The following ANKS1B variants were observed in gnomAD, a reference collection of about 807,000 sequenced individuals.
ANKS1B encodes the protein ankyrin repeat and sterile alpha motif domain-containing protein 1B.
A neutral mutation model predicts 148.3 loss-of-function variants in ANKS1B; 36 were observed. The ratio of observed to expected loss-of-function variants is 0.24; its 90% CI spans 0.19 to 0.32. The LOEUF (loss-of-function observed/expected upper bound fraction) is 0.32, where lower values mean the gene tolerates loss of function less well. Among genes scored for constraint, ANKS1B ranks in the 10% least tolerant of loss-of-function variants. The probability of loss-of-function intolerance (pLI) is 1.00; values close to 1 mark genes in which losing one functional copy is unlikely to be tolerated. For synonymous variants in ANKS1B, 542 were observed against 560.8 expected (o/e 0.97, Z 0.47); for missense variants, 1,157 against 1,542.6 (o/e 0.75, Z 4.19).
chr12:99,147,973 C>G (rs1301734436), intron 15 of ANKS1B, among the ~76,000 whole-genome samples: 1 of 151,914 alleles, frequency 6.6e-6, no homozygotes, highest in Non-Finnish European at 1.5e-5. Flanking sequence ...TAAAAGAGAG[C>G]AATTTCAGCA....
At chr12:99,736,935 T>C (rs2059667413) in intron 8 of ANKS1B, among the ~76,000 whole-genome samples, 1 of 151,992 alleles carries the variant, frequency 6.6e-6, no homozygotes, top group Non-Finnish European at 1.5e-5. Flanking sequence ...ACCAGGGATA[T>C]GGAAAATGTC....
chr12:99,106,142 C>A (rs2059164481), intron 15 of ANKS1B, among the ~76,000 whole-genome samples: 1 of 152,206 alleles, frequency 6.6e-6, no homozygotes, highest in African/African-American at 2.4e-5. Flanking sequence ...TTGGTACTAT[C>A]TGAGGACGAT....
intron 1 of ANKS1B, among the ~76,000 whole-genome samples, chr12:99,902,551 G>A (rs1367699343): frequency 6.6e-6 from 1 of 152,088 alleles, no homozygotes; most frequent in East Asian, 1.9e-4. Flanking sequence ...GAAAAGAAGA[G>A]TCATCTATTC....
intron 1 of ANKS1B, among the ~76,000 whole-genome samples, chr12:99,900,210 TA>T (rs1439804614): frequency 6.7e-6 from 1 of 149,574 alleles, no homozygotes; most frequent in African/African-American, 2.4e-5. Flanking sequence ...AACAGTGATC[TA>T]AAAATCTTCT....
chr12:99,369,794 ACG>A (rs1566971507), intron 12 of ANKS1B, among the ~76,000 whole-genome samples: 12 of 151,138 alleles, frequency 7.9e-5, no homozygotes, highest in African/African-American at 2.2e-4. Context: ...AGATAGATGG[ACG>A]GACGGACAGA....
At chr12:99,134,992 G>A (rs114308880) in intron 15 of ANKS1B, among the ~76,000 whole-genome samples, 282 of 152,164 alleles carry the variant, frequency 1.9e-3, no homozygotes, top group African/African-American at 5.9e-3. Context: ...AAGATCAAAT[G>A]GGAAATAATG....
intron 12 of ANKS1B, among the ~76,000 whole-genome samples, chr12:99,278,224 A>G (rs1009080259): frequency 6.6e-5 from 10 of 152,284 alleles, no homozygotes; most frequent in South Asian, 6.2e-4. Context: ...TGCACACCAC[A>G]TACAGGCCTG....
At chr12:99,593,430 T>C (rs2097724284) in intron 9 of ANKS1B, among the ~76,000 whole-genome samples, 1 of 152,098 alleles carries the variant, frequency 6.6e-6, no homozygotes, top group African/African-American at 2.4e-5. Flanking sequence ...TAATATAATT[T>C]ATAAAGAATA....
chr12:99,902,912 G>T (rs561397892), intron 1 of ANKS1B, among the ~76,000 whole-genome samples: 1 of 100,598 alleles, frequency 9.9e-6, no homozygotes, highest in Middle Eastern at 4.8e-3. Context: ...CACCACGCCC[G>T]GCTAATTGTT....
chr12:99,135,889 C>T (rs1302480958), intron 15 of ANKS1B, among the ~76,000 whole-genome samples: 4 of 152,150 alleles, frequency 2.6e-5, no homozygotes, highest in Admixed American at 6.5e-5. Context: ...GGTCCAGCTT[C>T]GGACAGGAAG....
At chr12:98,863,134 G>A (rs532122497) in intron 17 of ANKS1B, among the ~76,000 whole-genome samples, 1 of 152,216 alleles carries the variant, frequency 6.6e-6, no homozygotes, top group African/African-American at 2.4e-5. Context: ...ATATTTTCAC[G>A]GACACAAGCT....
chr12:99,828,242 T>A (rs1023878126), intron 1 of ANKS1B, among the ~76,000 whole-genome samples: 1 of 152,174 alleles, frequency 6.6e-6, no homozygotes, highest in Non-Finnish European at 1.5e-5. Context: ...CTGGCACAGA[T>A]AAAATGCATG....
intron 17 of ANKS1B, among the ~76,000 whole-genome samples, chr12:99,012,153 T>C (rs2099939831): frequency 6.6e-6 from 1 of 152,214 alleles, no homozygotes; most frequent in Non-Finnish European, 1.5e-5. Flanking sequence ...AACCCCAAAT[T>C]CGTGTTATGC....
intron 9 of ANKS1B, among the ~76,000 whole-genome samples, chr12:99,595,292 A>G (rs60961813): frequency 0.016 from 2,381 of 152,052 alleles, 55 homozygotes; most frequent in African/African-American, 0.054. Context: ...CATATGAGTT[A>G]GTAAGATCTT....
chr12:99,014,143 C>T (rs1279822858), intron 17 of ANKS1B, among the ~76,000 whole-genome samples: 1 of 152,104 alleles, frequency 6.6e-6, no homozygotes, highest in Non-Finnish European at 1.5e-5. Context: ...CTACAGTAAC[C>T]AAAACAGCAT....
At chr12:99,903,597 A>G (rs543176722) in intron 1 of ANKS1B, among the ~76,000 whole-genome samples, 85 of 152,352 alleles carry the variant, frequency 5.6e-4, no homozygotes, top group African/African-American at 2.0e-3. Flanking sequence ...CATATGAAAC[A>G]CTAAAAATAG....
rs538811726 is a variant in ANKS1B, at chr12:99,917,171, C to A, written c.134+66933G>T. On this transcript the variant is annotated intron_variant, in intron 1 of 26. Transcript: ENST00000683438. ...AGTGGTTCTGCTAATTGATCAGATG[C>A]CTGGAAGAAGCAATACTTCATGATC... Among the ~76,000 whole-genome samples the A allele has an allele frequency of 1.6e-4, 25 of 152,240 alleles. No homozygotes were observed. In the South Asian group the frequency reaches 5.2e-3, roughly 32 times the overall value.
At chr12:99,744,821 GTCTCTA>G (rs1418295182) in intron 8 of ANKS1B, among the ~76,000 whole-genome samples, 1 of 151,782 alleles carries the variant, frequency 6.6e-6, no homozygotes, top group Non-Finnish European at 1.5e-5. Context: ...GTGAAACCCT[GTCTCTA>G]TTAAAAATAC....
chr12:99,360,840 G>C (rs2092407263), intron 12 of ANKS1B, among the ~76,000 whole-genome samples: 1 of 152,052 alleles, frequency 6.6e-6, no homozygotes, highest in Non-Finnish European at 1.5e-5. Context: ...ATTCTGTTAA[G>C]TGAAACACGC....
Sources: gnomAD v4.1 joint callset for allele counts (sites outside exome capture counted in the v4.1 genomes callset) on GRCh38, gnomAD v4.1.1 for gene constraint, MANE v1.5 for transcripts, NCBI Gene and HGNC (gene_info 2026-07-23, HGNC 2026-07-21) for gene names.